Variants in COL5A3 observed in about 807,000 individuals in gnomAD.
COL5A3 encodes the protein collagen type V alpha 3 chain.
Under a neutral mutation model 250.0 loss-of-function variants are expected in COL5A3, and 172 were observed. That is an observed-to-expected ratio of 0.69 (90% CI 0.61 to 0.78). The LOEUF (loss-of-function observed/expected upper bound fraction) is 0.78, where lower values mean the gene tolerates loss of function less well. COL5A3 is among the 30% of genes least tolerant of loss of function. The probability of loss-of-function intolerance (pLI) is 0.00; values close to 1 mark genes in which losing one functional copy is unlikely to be tolerated. For missense variants in COL5A3, 2,340 were observed against 2,334.4 expected, an observed-to-expected ratio of 1.00 and a Z score of -0.05; for synonymous variants, 937 against 900.4, an observed-to-expected ratio of 1.04 and a Z score of -0.73.
At chr19:9,977,928 G>A (rs2086946451) in intron 41 of COL5A3, among the ~76,000 whole-genome samples, 1 of 141,584 alleles carries the variant, frequency 7.1e-6, no homozygotes, top group Non-Finnish European at 1.5e-5. Flanking sequence ...AAAAGCCATA[G>A]TCCTCCTGGC....
intron 1 of COL5A3, among the ~76,000 whole-genome samples, chr19:10,008,190 AC>A (rs1399359446): frequency 6.6e-6 from 1 of 151,856 alleles, no homozygotes; most frequent in Admixed American, 6.6e-5. Context: ...GAGACCGACG[AC>A]CTCACCCAGC....
At position 9,997,845 on chromosome 19, in the gene COL5A3, A is replaced by G. The variant is rs577972460; in HGVS notation, c.1200+139T>C. 35 of 805,970 alleles carry G rather than the reference A, an allele frequency of 4.3e-5. No individual in the cohort carries two copies. The African/African-American group carries it at 5.5e-4, about 13-fold the overall frequency. 49.9% of individuals were successfully genotyped at this position (805,970 alleles called of 1,614,324 possible). A position where few individuals can be genotyped will look rare whatever the true frequency, so the allele number is the denominator to read the frequency against. On this transcript the variant is annotated intron_variant, in intron 10 of 66. Coordinates refer to ENST00000264828, the MANE Select transcript of COL5A3 (RefSeq NM_015719.4). ...TATATTGTTCATCCTCCCTATTTTG[A>G]CTCACCCTTTAAGCCTCAAATGTCC... is the stretch of plus-strand genomic sequence containing the variant.
rs556314867 is a variant in COL5A3 at position 9,973,523 on chromosome 19, G to A, written c.3666+47C>T. 17 of 1,583,688 alleles carry A rather than the reference G, an allele frequency of 1.1e-5. No individual in the cohort carries two copies. In the Admixed American group the frequency reaches 1.6e-4, roughly 15 times the overall value. ...AGTGGCCCAAGATGCCCAGGGGTCA[G>A]GGGTTCCCTGAGTTGGGTGCAGGGA... On this transcript the variant is annotated intron_variant, in intron 50 of 66. Transcript: ENST00000264828.
intron 27 of COL5A3, among the ~76,000 whole-genome samples, chr19:9,987,759 T>G (rs1002421297): frequency 6.6e-6 from 1 of 151,340 alleles, no homozygotes; most frequent in African/African-American, 2.4e-5. Flanking sequence ...GTCTCAAGAA[T>G]AATAATAATA....
At chr19:9,965,436 G>C (rs2086729102) in intron 64 of COL5A3, among the ~76,000 whole-genome samples, 2 of 150,314 alleles carry the variant, frequency 1.3e-5, no homozygotes, top group South Asian at 4.2e-4. Context: ...GATTACAGGA[G>C]TGAGCCACCG....
At chr19:9,965,897 A>G (rs1448681545) in intron 64 of COL5A3, among the ~76,000 whole-genome samples, 1 of 152,082 alleles carries the variant, frequency 6.6e-6, no homozygotes, top group East Asian at 1.9e-4. Context: ...GCAGTGGCAC[A>G]ATCTCGGCTC....
chr19:9,973,684 C>A (rs370229347), intron 49 of COL5A3, 61 bp from the exon 50 acceptor site: 39 of 1,611,302 alleles, frequency 2.4e-5, no homozygotes, highest in Non-Finnish European at 3.2e-5. Context: ...GAGGGGCTCC[C>A]CAGAATGTCC....
rs1408151976 is a variant in COL5A3, at chr19:10,005,875, G to C, written c.358C>G (p.Leu120Val). 2 of 1,613,808 alleles carry C rather than the reference G, an allele frequency of 1.2e-6. No individual in the cohort carries two copies. The highest frequency in any genetic ancestry group is 1.3e-5 in the African/African-American group (1 of 74,948). Residue 120 changes from leucine (L) to valine (V), a missense_variant, in exon 3 of 67, where the codon CTG (leucine) becomes GTG (valine). Transcript: ENST00000264828. ...AGACCCAGCGCTGGCCCCAGTGCCA[G>C]GCCCAACTGCCGGGCACCCCTTTCA... Reference protein sequence around the residue: ...YDERGARQLGLALGPALGLLG... With the variant: ...YDERGARQLGVALGPALGLLG...
At chr19:9,988,361 G>T (rs2087129392) in intron 27 of COL5A3, among the ~76,000 whole-genome samples, 1 of 152,196 alleles carries the variant, frequency 6.6e-6, no homozygotes, top group African/African-American at 2.4e-5. Flanking sequence ...GTGTGTCTAA[G>T]CTTGTCTAAT....
chr19:9,967,981 C>T (rs1267791128), intron 60 of COL5A3, 42 bp from the exon 61 acceptor site: 5 of 1,603,550 alleles, frequency 3.1e-6, no homozygotes, highest in Non-Finnish European at 4.2e-6. Flanking sequence ...CTGGCCTGGA[C>T]CACCACAGTG....
rs1338491089 is a variant in COL5A3, at chr19:9,986,759, C to A, written c.2146-1G>T. 1 of 1,581,130 alleles carries A rather than the reference C, an allele frequency of 6.3e-7. No individual in the cohort carries two copies. The highest frequency in any genetic ancestry group is 1.8e-5 in the African/African-American group (1 of 56,272). On this transcript the variant is annotated splice_acceptor_variant, in intron 27 of 66. Transcript: ENST00000264828. LOFTEE classifies it high-confidence loss of function. Reference sequence around the variant, plus strand: ...GGAGGCCCCGGTTGCCTGAAGTGCCCTGGAAAATAAAAAAAAAAAGCTCTC... The same window carrying A: ...GGAGGCCCCGGTTGCCTGAAGTGCCATGGAAAATAAAAAAAAAAAGCTCTC...
At chr19:9,995,252 A>G (rs2087252971) in intron 16 of COL5A3, among the ~76,000 whole-genome samples, 1 of 152,166 alleles carries the variant, frequency 6.6e-6, no homozygotes, top group African/African-American at 2.4e-5. Flanking sequence ...CTCTATCTGA[A>G]GTTGACTTGT....
intron 15 of COL5A3, 55 bp downstream of exon 15, chr19:9,996,010 TG>T: frequency 6.9e-7 from 1 of 1,446,304 alleles, no homozygotes; most frequent in Non-Finnish European, 9.3e-7. Context: ...CTGTATCTTG[TG>T]GTCCTGGGGG....
chr19:9,983,521 AAAAGAAAGAAG>A (rs1302442278), intron 31 of COL5A3, among the ~76,000 whole-genome samples: 6 of 115,848 alleles, frequency 5.2e-5, no homozygotes, highest in Non-Finnish European at 1.2e-4. Context: ...CAAGCAAGCA[AAAAGAAAGAAG>A]AAAGAAAGAA....
At position 10,006,224 on chromosome 19, in the gene COL5A3, C is replaced by T; in HGVS notation, c.96G>A (p.Val32=). The T allele has an allele frequency of 3.1e-6, 5 of 1,598,258 alleles. No individual in the cohort carries two copies. Among genetic ancestry groups the T allele is most frequent in the Non-Finnish European group, 4.3e-6 (5 of 1,173,114 alleles). The change falls in exon 2 of 67, where the codon GTG becomes GTA. Residue 32 remains valine (V), a synonymous_variant. Transcript: ENST00000264828. The part of the protein sequence containing the change: ...QLLPGTQADP[V]DVLKALGVQG... ...GCACACCCAGGGCCTTCAGGACATC[C>T]ACAGGATCTGCAGCAGAGAGAAGCC...
At position 9,996,663 on chromosome 19, in the gene COL5A3, G is replaced by A. The variant is rs767262587; in HGVS notation, c.1290C>T (p.Pro430=). 5.5e-5 allele frequency: 89 copies of A among 1,607,400 alleles called. No individual in the cohort carries two copies. The highest frequency in any genetic ancestry group is 2.8e-4 in the South Asian group (25 of 89,978). ...GTGGGCCTCGGATCCCATCAATGCCGGGGATTCCTGGGAGGCCAGCAGGGC... is the reference window on the plus strand; with the variant it reads ...GTGGGCCTCGGATCCCATCAATGCCAGGGATTCCTGGGAGGCCAGCAGGGC... The part of the protein sequence containing the change: ...PPGPAGLPGI[P]GIDGIRGPPG... Residue 430 remains proline (P), a synonymous_variant, in exon 12 of 67, where the codon CCC becomes CCT. Transcript: ENST00000264828.
intron 31 of COL5A3, among the ~76,000 whole-genome samples, chr19:9,984,649 C>T (rs1197762252): frequency 1.1e-4 from 16 of 152,086 alleles, no homozygotes; most frequent in Admixed American, 1.0e-3. Flanking sequence ...GCATTATCAA[C>T]ATTATTATAA....
chr19:9,994,957 C>A (rs1390398694), intron 16 of COL5A3, among the ~76,000 whole-genome samples: 2 of 151,974 alleles, frequency 1.3e-5, no homozygotes, highest in African/African-American at 4.8e-5. Flanking sequence ...CTCACTCTGC[C>A]ACCCAAGCTG....
At chr19:9,985,722 A>G in intron 31 of COL5A3, 120 bp downstream of exon 31, 1 of 883,394 alleles carries the variant, frequency 1.1e-6, no homozygotes, top group Non-Finnish European at 1.8e-6. Flanking sequence ...CACATTTTAC[A>G]TTCTCTCAGT....
Sources: allele counts gnomAD v4.1 joint callset (sites outside exome capture counted in the v4.1 genomes callset), GRCh38; gene constraint gnomAD v4.1.1; transcripts MANE v1.5; gene names NCBI Gene and HGNC (gene_info 2026-07-23, HGNC 2026-07-21).